Variants in CELF1 observed in about 807,000 individuals in gnomAD.
CELF1 encodes the protein 50 kDa nuclear polyadenylated RNA-binding protein.
In CELF1, 10 loss-of-function variants were observed where a neutral mutation model predicts 61.8. The observed-to-expected ratio is 0.16, with a 90% CI of 0.10 to 0.27. The LOEUF (loss-of-function observed/expected upper bound fraction) is 0.27, where lower values mean the gene tolerates loss of function less well. CELF1 is among the 10% of genes least tolerant of loss of function. The probability of loss-of-function intolerance (pLI) is 1.00; values close to 1 mark genes in which losing one functional copy is unlikely to be tolerated. For synonymous variants in CELF1, 236 were observed against 225.1 expected (o/e 1.05, Z -0.43); for missense variants, 380 against 639.1 (o/e 0.59, Z 4.37).
intron 2 of CELF1, among the ~76,000 whole-genome samples, chr11:47,558,998 G>A (rs2097217458): frequency 7.3e-6 from 1 of 137,276 alleles, no homozygotes; most frequent in African/African-American, 2.7e-5. Context: ...AGTAATATAT[G>A]TTATACATAA....
At chr11:47,528,356 G>A (rs1306158587) in intron 1 of CELF1, among the ~76,000 whole-genome samples, 3 of 151,738 alleles carry the variant, frequency 2.0e-5, no homozygotes, top group Non-Finnish European at 4.4e-5. Context: ...CTCTACCTCT[G>A]TATGCATTTA....
At chr11:47,478,485 A>T (rs893120189) in intron 10 of CELF1, among the ~76,000 whole-genome samples, 7 of 152,250 alleles carry the variant, frequency 4.6e-5, no homozygotes, top group Non-Finnish European at 7.3e-5. Flanking sequence ...GCTTCAAGGT[A>T]GGGCATTTGC....
rs565647951 is a variant in CELF1, at chr11:47,563,770, C to T, written c.-11+581G>A. Among the ~76,000 whole-genome samples the T allele has an allele frequency of 1.7e-4, 26 of 152,128 alleles. No homozygotes were observed. In the South Asian group the frequency reaches 3.1e-3, roughly 18 times the overall value. On this transcript the variant is annotated intron_variant, in intron 2 of 3. Coordinates refer to the CELF1 transcript ENST00000525841. ...GCATGGTGGCTTATGCCTGTAATCC[C>T]GGCACTTTGGAAGGCCGAGGGGGAC... is the stretch of plus-strand genomic sequence containing the variant.
At chr11:47,489,429 C>T (rs1471951544) in intron 3 of CELF1, among the ~76,000 whole-genome samples, 2 of 152,152 alleles carry the variant, frequency 1.3e-5, no homozygotes, top group African/African-American at 2.4e-5. Flanking sequence ...CTATTGATTA[C>T]AAATAAGATT....
At chr11:47,483,872 T>C (rs1675935028) in intron 7 of CELF1, among the ~76,000 whole-genome samples, 1 of 152,106 alleles carries the variant, frequency 6.6e-6, no homozygotes, top group Non-Finnish European at 1.5e-5. Flanking sequence ...CAATGAAATA[T>C]AGAATGTAGA....
chr11:47,498,825 G>T (rs932125008), intron 3 of CELF1, among the ~76,000 whole-genome samples: 11 of 152,016 alleles, frequency 7.2e-5, no homozygotes, highest in Non-Finnish European at 1.3e-4. Context: ...AATTTATTTG[G>T]GCAAATTGCC....
At position 47,472,242 on chromosome 11, in the gene CELF1, G is replaced by A; in HGVS notation, c.1533C>T (p.Ser511=). Residue 511 remains serine, a synonymous_variant, in exon 15 of 15, where the codon AGC becomes AGT. Coordinates refer to ENST00000687097, the MANE Select transcript of CELF1 (RefSeq NM_001376376.1). ...GAGGGGAGCACGCTCAGTAGGGCTT[G>A]CTGTCATTCTTCGAACGTTTGAGCT... The part of the protein sequence containing the change: ...KVQLKRSKND[S]KPY 2 of 1,614,066 alleles carry A rather than the reference G, an allele frequency of 1.2e-6. No homozygotes were observed. The highest frequency in any genetic ancestry group is 1.3e-5 in the African/African-American group (1 of 75,064).
intron 1 of CELF1, among the ~76,000 whole-genome samples, chr11:47,503,721 T>TA (rs1387594993): frequency 1.1e-4 from 16 of 152,210 alleles, no homozygotes; most frequent in African/African-American, 3.9e-4. Flanking sequence ...ATTTCATTTC[T>TA]AAAATCGAGT....
At chr11:47,478,442 T>C (rs1458396179) in intron 10 of CELF1, among the ~76,000 whole-genome samples, 4 of 152,188 alleles carry the variant, frequency 2.6e-5, no homozygotes, top group Non-Finnish European at 4.4e-5. Context: ...AACAAGAAGA[T>C]ACACAGGTAA....
chr11:47,564,784 C>G (rs1266845063), intron 1 of CELF1, among the ~76,000 whole-genome samples: 3 of 152,176 alleles, frequency 2.0e-5, no homozygotes, highest in East Asian at 1.9e-4. Flanking sequence ...GAGTGAGACT[C>G]CGTCTCAAAA....
chr11:47,526,826 G>C (rs2096260717), intron 1 of CELF1, among the ~76,000 whole-genome samples: 1 of 151,794 alleles, frequency 6.6e-6, no homozygotes, highest in African/African-American at 2.4e-5. Context: ...ATCCCACGAT[G>C]GATCACCTGA....
At chr11:47,500,999 G>A in intron 1 of CELF1, 67 bp from the exon 2 acceptor site, 1 of 397,794 alleles carries the variant, frequency 2.5e-6, no homozygotes, top group South Asian at 1.3e-4. Context: ...AAAAAGAAAG[G>A]CAACACACAA....
intron 1 of CELF1, 35 bp downstream of exon 1, chr11:47,552,957 C>A: frequency 7.5e-6 from 3 of 397,832 alleles, no homozygotes; most frequent in South Asian, 1.3e-4. Context: ...CTCCCTCCCT[C>A]CCGCGGCCCG....
chr11:47,527,690 C>T (rs374601642), intron 1 of CELF1, among the ~76,000 whole-genome samples: 1 of 152,136 alleles, frequency 6.6e-6, no homozygotes, highest in East Asian at 1.9e-4. Flanking sequence ...TTTGACTTCC[C>T]AAAGAGCAGT....
intron 1 of CELF1, among the ~76,000 whole-genome samples, chr11:47,505,940 A>G (rs2094456849): frequency 6.7e-6 from 1 of 149,432 alleles, no homozygotes; most frequent in South Asian, 2.1e-4. Context: ...TGTCTCCAAA[A>G]AAAAAAAAAA....
chr11:47,480,463 T>C (rs1332044586), intron 9 of CELF1, among the ~76,000 whole-genome samples: 1 of 152,218 alleles, frequency 6.6e-6, no homozygotes, highest in African/African-American at 2.4e-5. Flanking sequence ...GGTCCCTTCA[T>C]TTCCCTCCAA....
At chr11:47,480,549 G>GT (rs952608780) in intron 9 of CELF1, among the ~76,000 whole-genome samples, 1 of 152,170 alleles carries the variant, frequency 6.6e-6, no homozygotes, top group African/African-American at 2.4e-5. Context: ...ATGCCATCAT[G>GT]TACTTGCTGG....
chr11:47,517,802 G>A (rs2095641473), intron 1 of CELF1, among the ~76,000 whole-genome samples: 1 of 152,078 alleles, frequency 6.6e-6, no homozygotes, highest in Admixed American at 6.6e-5. Flanking sequence ...ACAGGCACCT[G>A]CCACCAAACC....
At chr11:47,493,513 GAAAAAAAAAAAA>G (rs35976407) in intron 3 of CELF1, among the ~76,000 whole-genome samples, 9 of 84,926 alleles carry the variant, frequency 1.1e-4, no homozygotes, top group Admixed American at 1.5e-4. Flanking sequence ...ATCTCAAAAA[GAAAAAAAAAAAA>G]AAAAAAAAAA....
Sources: allele counts gnomAD v4.1 joint callset (sites outside exome capture counted in the v4.1 genomes callset), GRCh38; gene constraint gnomAD v4.1.1; transcripts MANE v1.5; gene names NCBI Gene and HGNC (gene_info 2026-07-23, HGNC 2026-07-21).